Variants in MAP4K3 observed in about 807,000 individuals in gnomAD.
The protein encoded by MAP4K3 is mitogen-activated protein kinase kinase kinase kinase 3, also known as MAPK/ERK kinase kinase kinase 3.
Under a neutral mutation model 143.5 loss-of-function variants are expected in MAP4K3, and 94 were observed. The ratio of observed to expected loss-of-function variants is 0.65; its 90% CI spans 0.55 to 0.78. MAP4K3 has a LOEUF of 0.78. Ranked by LOEUF, MAP4K3 falls within the 30% of genes least tolerant of loss-of-function variation. The pLI, the probability that MAP4K3 is intolerant of heterozygous loss-of-function variation, is 0.00. For missense variants in MAP4K3, 1,077 were observed against 1,068.1 expected (o/e 1.01, Z -0.12); for synonymous variants, 416 against 347.2 (o/e 1.20, Z -2.20).
intron 3 of MAP4K3, among the ~76,000 whole-genome samples, chr2:39,345,921 CAA>C (rs66729858): frequency 2.7e-3 from 42 of 15,836 alleles, no homozygotes; most frequent in African/African-American, 8.3e-3. Flanking sequence ...GACTCTGTCT[CAA>C]AAAAAAAAAA....
In MAP4K3 at chr2:39,290,292, C is replaced by T; in HGVS notation, c.1314G>A (p.Lys438=). ...CAAATTGAAAAATAAATCTGTCTACCTTTGGTGGCAAAGGAGGTGGAATTT... is the reference window on the plus strand; with the variant it reads ...CAAATTGAAAAATAAATCTGTCTACTTTTGGTGGCAAAGGAGGTGGAATTT... ...KAKIPPPLPP[K]PKSIFIPQEM... Residue 438 remains lysine, a splice_region_variant and synonymous_variant, in exon 19 of 34, where the codon AAG becomes AAA. Coordinates refer to ENST00000263881, the MANE Select transcript of MAP4K3 (RefSeq NM_003618.4). 6.2e-7 allele frequency: 1 copy of T among 1,605,482 alleles called. No individual in the cohort carries two copies. The highest frequency in any genetic ancestry group is 8.5e-7 in the Non-Finnish European group (1 of 1,176,400).
At chr2:39,332,761 G>A (rs1487403376) in intron 7 of MAP4K3, among the ~76,000 whole-genome samples, 3 of 151,806 alleles carry the variant, frequency 2.0e-5, no homozygotes, top group South Asian at 2.1e-4. Flanking sequence ...TAGAAGTCAC[G>A]GAGGAAATTT....
intron 31 of MAP4K3, among the ~76,000 whole-genome samples, chr2:39,256,742 T>C (rs115151500): frequency 0.033 from 5,014 of 152,326 alleles, 102 homozygotes; most frequent in African/African-American, 0.053. Flanking sequence ...CAGAATTCCT[T>C]GTCTGTAGTC....
At chr2:39,278,375 T>TAAAAA in intron 24 of MAP4K3, 32 bp downstream of exon 24, 5 of 1,102,758 alleles carry the variant, frequency 4.5e-6, no homozygotes, top group Non-Finnish European at 6.3e-6. Context: ...ACTTAAAAAT[T>TAAAAA]AAAAAAAAAA....
chr2:39,332,535 A>G (rs1188816857), intron 7 of MAP4K3, among the ~76,000 whole-genome samples: 5 of 152,046 alleles, frequency 3.3e-5, no homozygotes, highest in East Asian at 1.9e-4. Context: ...ATTTGTTACT[A>G]TTCTTTTAGA....
chr2:39,315,497 A>G, intron 12 of MAP4K3, 109 bp from the exon 13 acceptor site: 1 of 734,556 alleles, frequency 1.4e-6, no homozygotes, highest in South Asian at 1.9e-5. Flanking sequence ...TAAAAATGAA[A>G]GCAAAACAGC....
At chr2:39,384,473 G>C (rs746796401) in intron 1 of MAP4K3, among the ~76,000 whole-genome samples, 37 of 152,268 alleles carry the variant, frequency 2.4e-4, no homozygotes, top group Non-Finnish European at 4.6e-4. Context: ...TTGAACCCGG[G>C]AGGCGGAAGT....
chr2:39,409,022 T>C (rs922136396), intron 1 of MAP4K3, among the ~76,000 whole-genome samples: 13 of 152,186 alleles, frequency 8.5e-5, no homozygotes, highest in Admixed American at 6.5e-5. Context: ...TGTAAAGTTA[T>C]ACTGTGCCTG....
intron 2 of MAP4K3, among the ~76,000 whole-genome samples, chr2:39,377,105 C>A (rs1418670616): frequency 6.6e-6 from 1 of 150,760 alleles, no homozygotes; most frequent in African/African-American, 2.4e-5. Context: ...TTTATTGATG[C>A]TCTAAATAAG....
At chr2:39,363,668 CAAAAAAAAAAA>C (rs34083007) in intron 2 of MAP4K3, among the ~76,000 whole-genome samples, 2 of 83,742 alleles carry the variant, frequency 2.4e-5, no homozygotes, top group South Asian at 5.0e-4. Flanking sequence ...GACTCTGTCT[CAAAAAAAAAAA>C]AAAAAAAAAA....
chr2:39,250,554 T>A lies in MAP4K3; in HGVS notation c.*64A>T. The A allele has an allele frequency of 7.1e-7, 1 of 1,409,566 alleles. No homozygotes were observed. The highest frequency in any genetic ancestry group is 2.3e-5 in the East Asian group (1 of 43,562). 87.3% of individuals were successfully genotyped at this position (1,409,566 alleles called of 1,614,324 possible). ...TGCAGCTTTTGTACAGCTTCAAGCA[T>A]CCATTAATGTTGCAGTGGTAGTGTT... On this transcript the variant is annotated 3_prime_UTR_variant, in exon 34 of 34. Coordinates refer to ENST00000263881, the MANE Select transcript of MAP4K3 (RefSeq NM_003618.4).
At chr2:39,287,547 C>T (rs1681849484) in intron 20 of MAP4K3, among the ~76,000 whole-genome samples, 1 of 152,262 alleles carries the variant, frequency 6.6e-6, no homozygotes, top group African/African-American at 2.4e-5. Context: ...AGGTGATCCA[C>T]CTGCCTCGGC....
chr2:39,321,548 A>C (rs1190828308), intron 12 of MAP4K3, among the ~76,000 whole-genome samples: 1 of 152,128 alleles, frequency 6.6e-6, no homozygotes, highest in Non-Finnish European at 1.5e-5. Context: ...TGGGAAGGGG[A>C]AGACCTGACC....
At chr2:39,430,733 A>G (rs1201199521) in intron 1 of MAP4K3, among the ~76,000 whole-genome samples, 1 of 152,236 alleles carries the variant, frequency 6.6e-6, no homozygotes, top group Non-Finnish European at 1.5e-5. Flanking sequence ...TCATATGCAT[A>G]TAACAATTAT....
chr2:39,333,943 GATT>G (rs1378267334), intron 6 of MAP4K3, among the ~76,000 whole-genome samples: 1 of 147,790 alleles, frequency 6.8e-6, no homozygotes, highest in African/African-American at 2.5e-5. Flanking sequence ...CTTTAAACTT[GATT>G]ATTGTTTCCC....
At chr2:39,266,223 T>C (rs1385074571) in intron 27 of MAP4K3, among the ~76,000 whole-genome samples, 1 of 152,234 alleles carries the variant, frequency 6.6e-6, no homozygotes, top group Non-Finnish European at 1.5e-5. Context: ...CTAAACCAGC[T>C]GTTCTCGCTT....
At chr2:39,413,159 T>C (rs530581768) in intron 1 of MAP4K3, among the ~76,000 whole-genome samples, 15 of 152,322 alleles carry the variant, frequency 9.8e-5, no homozygotes, top group African/African-American at 3.4e-4. Flanking sequence ...AAAGCTTTCA[T>C]GCAGTAAAAG....
chr2:39,377,805 C>A (rs1666258835), intron 2 of MAP4K3, among the ~76,000 whole-genome samples: 1 of 152,158 alleles, frequency 6.6e-6, no homozygotes. Flanking sequence ...CAAGTTAGCT[C>A]AACTGAGTTC....
chr2:39,267,210 A>T lies in MAP4K3; in HGVS notation c.2011T>A (p.Trp671Arg). 6.2e-7 allele frequency: 1 copy of T among 1,614,092 alleles called. No homozygotes were observed. Among genetic ancestry groups the T allele is most frequent in the Non-Finnish European group, 8.5e-7 (1 of 1,179,984 alleles). ...TTACCAACACAACACTTCTGGCACCATTTGGTTTCAGGGATTTTTGCTGAT... is the reference window on the plus strand; with the variant it reads ...TTACCAACACAACACTTCTGGCACCTTTTGGTTTCAGGGATTTTTGCTGAT... Reference protein sequence around the residue: ...SVSAKIPETKWCQKCCVVRNP... With the variant: ...SVSAKIPETKRCQKCCVVRNP... The change falls in exon 27 of 34, where the codon TGG becomes AGG. Residue 671 changes from tryptophan to arginine, a missense_variant. Coordinates refer to ENST00000263881, the MANE Select transcript of MAP4K3 (RefSeq NM_003618.4).
Sources: allele counts gnomAD v4.1 joint callset (sites outside exome capture counted in the v4.1 genomes callset), GRCh38; gene constraint gnomAD v4.1.1; transcripts MANE v1.5; gene names NCBI Gene and HGNC (gene_info 2026-07-23, HGNC 2026-07-21).